Variants in ZNF341 observed in about 807,000 individuals in gnomAD.
The protein encoded by ZNF341 is zinc finger protein 341.
ZNF341 carries 52 observed loss-of-function variants against 87.7 expected under a neutral mutation model. The observed-to-expected ratio is 0.59, with a 90% CI of 0.47 to 0.75. ZNF341 has a LOEUF of 0.75. Ranked by LOEUF, ZNF341 falls within the 30% of genes least tolerant of loss-of-function variation. The pLI, the probability that ZNF341 is intolerant of heterozygous loss-of-function variation, is 0.00. For missense variants in ZNF341, 977 were observed against 1,145.9 expected (o/e 0.85, Z 2.13); for synonymous variants, 459 against 472.7 (o/e 0.97, Z 0.38).
At chr20:33,773,672 A>C (rs757390576) in intron 10 of ZNF341, among the ~76,000 whole-genome samples, 10 of 152,258 alleles carry the variant, frequency 6.6e-5, no homozygotes, top group Non-Finnish European at 1.3e-4. Context: ...CCTGGAACAT[A>C]GTAGGTACTC....
intron 3 of ZNF341, 49 bp from the exon 4 acceptor site, chr20:33,748,874 A>T: frequency 6.4e-7 from 1 of 1,559,514 alleles, no homozygotes; most frequent in South Asian, 1.2e-5. Flanking sequence ...GAGCACACAC[A>T]CACTCTGTCT....
intron 8 of ZNF341, among the ~76,000 whole-genome samples, chr20:33,765,156 G>A (rs1175489427): frequency 1.3e-5 from 2 of 152,038 alleles, no homozygotes; most frequent in Non-Finnish European, 2.9e-5. Flanking sequence ...GTAGCCACGT[G>A]TGGCTCAGGA....
At chr20:33,750,710 G>A (rs919969696) in intron 4 of ZNF341, among the ~76,000 whole-genome samples, 8 of 151,650 alleles carry the variant, frequency 5.3e-5, no homozygotes, top group Admixed American at 1.3e-4. Context: ...GCACCATCTC[G>A]GCTCACTGCA....
At chr20:33,776,852 G>T (rs2019636685) in intron 10 of ZNF341, among the ~76,000 whole-genome samples, 1 of 151,612 alleles carries the variant, frequency 6.6e-6, no homozygotes, top group African/African-American at 2.4e-5. Context: ...TAGAGACAGG[G>T]TCTTACTGTG....
chr20:33,768,102 G>A (rs2019446105), intron 9 of ZNF341, among the ~76,000 whole-genome samples: 1 of 149,746 alleles, frequency 6.7e-6, no homozygotes, highest in African/African-American at 2.5e-5. Context: ...GTTGACACTA[G>A]ATGCAAGGGA....
intron 10 of ZNF341, among the ~76,000 whole-genome samples, chr20:33,773,846 G>T (rs2019573686): frequency 1.3e-5 from 2 of 152,100 alleles, no homozygotes; most frequent in Non-Finnish European, 2.9e-5. Flanking sequence ...ATCTTTAGAA[G>T]TCCAAGCCCT....
In ZNF341 at chr20:33,745,276, G is replaced by T; in HGVS notation, c.316G>T (p.Ala106Ser). 1 of 1,612,178 alleles carries T rather than the reference G, an allele frequency of 6.2e-7. No individual in the cohort carries two copies. The highest frequency in any genetic ancestry group is 1.3e-5 in the African/African-American group (1 of 74,974). The change falls in exon 3 of 15, where the codon GCC (alanine) becomes TCC (serine). Residue 106 changes from alanine to serine, a missense_variant. By Grantham distance (99) the Ala-to-Ser change is moderately conservative. Around this residue, in one of 3 missense-constraint regions of ZNF341, gnomAD observed 515 missense variants for 598.2 expected, o/e 0.86. Transcript: ENST00000375200. ...PSAAPTAVQQ[A>S]PTPANRQIST... ...GGCAGCACCCACAGCGGTCCAGCAG[G>T]CCCCAACTCCTGCCAATCGCCAGGT...
chr20:33,764,612 G>A (rs149066347), intron 8 of ZNF341, among the ~76,000 whole-genome samples: 3,045 of 106,914 alleles, frequency 0.028, 144 homozygotes, highest in African/African-American at 0.1. Flanking sequence ...TTGCTCTGTC[G>A]CCCAGGCTGG....
In ZNF341 at chr20:33,740,991, C is replaced by T. The variant is rs199947891; in HGVS notation, c.121C>T (p.Pro41Ser). 3.8e-4 allele frequency: 615 copies of T among 1,614,128 alleles called. No homozygotes were observed. Among genetic ancestry groups the T allele is most frequent in the Non-Finnish European group, 5.1e-4 (598 of 1,179,998 alleles). The change falls in exon 2 of 15, where the codon CCC (proline) becomes TCC (serine). Residue 41 changes from proline to serine, a missense_variant. Pro to Ser is a moderately conservative substitution (Grantham distance 74, BLOSUM62 -1). Transcript: ENST00000375200. ...PDPTGQSVNA[P>S]PAIQPLDDED... ...TCCGACAGGCCAGAGTGTCAATGCG[C>T]CCCCTGCTATCCAGCCATTGGGTGA...
Position 33,757,189 on chromosome 20 carries a change from C to T in ZNF341, c.783C>T (p.Pro261=). The T allele has an allele frequency of 6.5e-7, 1 of 1,539,600 alleles. No individual in the cohort carries two copies. Among genetic ancestry groups the T allele is most frequent in the Non-Finnish European group, 8.7e-7 (1 of 1,144,544 alleles). The part of the protein sequence containing the change: ...QCVEPPVYPT[P]TVYSPGKQGF... Reference sequence around the variant, plus strand: ...TGGAGCCTCCAGTATATCCCACCCCCACAGTGTACAGCCCTGGCAAACAGG... The same window carrying T: ...TGGAGCCTCCAGTATATCCCACCCCTACAGTGTACAGCCCTGGCAAACAGG... Residue 261 remains proline (P), a synonymous_variant, in exon 6 of 15, where the codon CCC becomes CCT. Coordinates refer to ENST00000375200, the MANE Select transcript of ZNF341 (RefSeq NM_001282933.2).
intron 8 of ZNF341, among the ~76,000 whole-genome samples, chr20:33,765,091 G>A (rs2019378471): frequency 6.6e-6 from 1 of 151,830 alleles, no homozygotes; most frequent in South Asian, 2.1e-4. Flanking sequence ...GCCTCCCAAA[G>A]TACTGGAATT....
In ZNF341 at chr20:33,783,835, A is replaced by G. The variant is rs372505263; in HGVS notation, c.1823A>G (p.Tyr608Cys). The G allele has an allele frequency of 6.2e-6, 10 of 1,613,378 alleles. No individual in the cohort carries two copies. The highest frequency in any genetic ancestry group is 1.1e-5 in the South Asian group (1 of 91,078). ...VCKKFFRREH[Y>C]LKLHAHIHSG... The stretch of plus-strand genomic sequence containing the variant: ...AAGAAGTTCTTCCGGCGGGAGCATT[A>G]TCTCAAACTGCATGCTCACATCCAC... The change falls in exon 12 of 15, where the codon TAT becomes TGT. Residue 608 changes from tyrosine (Y) to cysteine (C), a missense_variant. By Grantham distance (194) the Tyr-to-Cys change is radical. This residue lies in a region of ZNF341 where 241 missense variants were observed against 335.0 expected (regional missense o/e 0.72). Transcript: ENST00000375200.
chr20:33,746,220 C>T (rs1362357109), intron 3 of ZNF341, among the ~76,000 whole-genome samples: 4 of 135,340 alleles, frequency 3.0e-5, no homozygotes, highest in Non-Finnish European at 4.6e-5. Flanking sequence ...TGAGCCACCG[C>T]GCCCGGCCTT....
chr20:33,757,895 T>G (rs1293486501), intron 6 of ZNF341, among the ~76,000 whole-genome samples: 1 of 152,164 alleles, frequency 6.6e-6, no homozygotes, highest in Non-Finnish European at 1.5e-5. Flanking sequence ...GAGTGGATAT[T>G]AGGCAAGCAG....
intron 8 of ZNF341, among the ~76,000 whole-genome samples, chr20:33,763,019 A>G (rs1383317933): frequency 1.3e-5 from 2 of 152,214 alleles, no homozygotes; most frequent in Non-Finnish European, 2.9e-5. Flanking sequence ...ATACAGTCAC[A>G]TGCTATGTAA....
rs2018592403 is a variant in ZNF341 at position 33,732,475 on chromosome 20, C to G, written c.31+423C>G. Among the ~76,000 whole-genome samples the G allele has an allele frequency of 6.6e-6, 1 of 152,188 alleles. No individual in the cohort carries two copies. Among genetic ancestry groups the G allele is most frequent in the African/African-American group, 2.4e-5 (1 of 41,462 alleles). ...GGCAGGAGGGCCTCGGCGGCCTGACCACGAAGAACTTCTGCGGAGCGGACT... is the reference window on the plus strand; with the variant it reads ...GGCAGGAGGGCCTCGGCGGCCTGACGACGAAGAACTTCTGCGGAGCGGACT... On this transcript the variant is annotated intron_variant, in intron 1 of 14. Transcript: ENST00000375200. This position sits in a 1 kb window ranked among gnomAD's most constrained non-coding sequence, Gnocchi z 4.5.
At chr20:33,783,595 T>C (rs2019786075) in intron 11 of ZNF341, 137 bp from the exon 12 acceptor site, 1 of 1,221,318 alleles carries the variant, frequency 8.2e-7, no homozygotes, top group African/African-American at 1.5e-5. Context: ...GAGTCTGACA[T>C]TCTGGGTCCT....
rs1472261280 is a variant in ZNF341, at chr20:33,791,204, C to A, written c.2252C>A (p.Ala751Glu). The A allele has an allele frequency of 2.5e-6, 4 of 1,612,476 alleles. No homozygotes were observed. The highest frequency in any genetic ancestry group is 3.4e-6 in the Non-Finnish European group (4 of 1,179,676). Residue 751 changes from alanine to glutamate, a missense_variant, in exon 15 of 15, where the codon GCA (alanine) becomes GAA (glutamate). Ala to Glu is a moderately radical substitution (Grantham distance 107, BLOSUM62 -1). Coordinates refer to ENST00000375200, the MANE Select transcript of ZNF341 (RefSeq NM_001282933.2). ...LQTRRPPQRR[A>E]APRSCGSGGR... ...ACCCGGCGGCCCCCCCAGAGGAGGG[C>A]AGCCCCCCGCAGTTGCGGCAGTGGT...
chr20:33,770,188 C>T lies in ZNF341; in HGVS notation c.1518C>T (p.His506=), dbSNP rs2019498480. ...AGGAGGAGCTGAGCTACCGCTGCCACCTCTGCGGCAAGGACTTCCCCTCGC... is the reference window on the plus strand; with the variant it reads ...AGGAGGAGCTGAGCTACCGCTGCCATCTCTGCGGCAAGGACTTCCCCTCGC... ...SHQEELSYRC[H]LCGKDFPSLY... The change falls in exon 10 of 15, where the codon CAC becomes CAT. Residue 506 remains histidine (H), a synonymous_variant. Coordinates refer to ENST00000375200, the MANE Select transcript of ZNF341 (RefSeq NM_001282933.2). 1.9e-6 allele frequency: 3 copies of T among 1,614,184 alleles called. No homozygotes were observed. Among genetic ancestry groups the T allele is most frequent in the Non-Finnish European group, 1.7e-6 (2 of 1,180,032 alleles).
Sources: gnomAD v4.1 joint callset for allele counts (sites outside exome capture counted in the v4.1 genomes callset) on GRCh38, gnomAD v4.1.1 for gene constraint, gnomAD v4.1.1 regional missense constraint, Gnocchi (gnomAD v3.1) non-coding constraint, MANE v1.5 for transcripts, NCBI Gene and HGNC (gene_info 2026-07-23, HGNC 2026-07-21) for gene names.